AFF2: variants seen among roughly 807,000 people sequenced by gnomAD.
The protein encoded by AFF2 is AF4/FMR2 family member 2.
AFF2 carries 14 observed loss-of-function variants against 76.9 expected under a neutral mutation model. The ratio of observed to expected loss-of-function variants is 0.18; its 90% CI spans 0.12 to 0.28. The LOEUF is 0.28. Ranked by LOEUF, AFF2 falls within the 10% of genes least tolerant of loss-of-function variation. The pLI, the probability that AFF2 is intolerant of heterozygous loss-of-function variation, is 1.00. For synonymous variants in AFF2, 398 were observed against 366.7 expected, an observed-to-expected ratio of 1.09 and a Z score of -0.98; for missense variants, 868 against 1,001.1, an observed-to-expected ratio of 0.87 and a Z score of 1.79.
chrX:148,766,991 C>A (rs376125609), intron 3 of AFF2, among the ~76,000 whole-genome samples: 1 of 110,866 alleles, frequency 9.0e-6, no homozygotes, highest in East Asian at 2.8e-4. Flanking sequence ...GGTCTAAGGG[C>A]TGGGGTAAAG....
At chrX:148,871,961 T>C (rs2070981410) in intron 7 of AFF2, among the ~76,000 whole-genome samples, 1 of 111,318 alleles carries the variant, frequency 9.0e-6, no homozygotes, top group African/African-American at 3.3e-5. Context: ...GGCAGATATG[T>C]CTAGGAATGC....
At chrX:148,851,703 A>G (rs1557275372) in intron 7 of AFF2, among the ~76,000 whole-genome samples, 1 of 111,627 alleles carries the variant, frequency 9.0e-6, no homozygotes, top group Admixed American at 9.5e-5. Context: ...TTCCAGATGG[A>G]GATTTCAATT....
At chrX:148,743,257 G>C in intron 3 of AFF2, among the ~76,000 whole-genome samples, 1 of 112,040 alleles carries the variant, frequency 8.9e-6, no homozygotes, top group African/African-American at 3.2e-5. Flanking sequence ...TTTTCAATGA[G>C]TAACAATATT....
At chrX:148,530,213 C>T (rs2052714151) in intron 1 of AFF2, among the ~76,000 whole-genome samples, 1 of 111,576 alleles carries the variant, frequency 9.0e-6, no homozygotes, top group African/African-American at 3.3e-5. Context: ...TATATCGCTA[C>T]TGTTATCATT....
At chrX:148,661,664 T>G (rs781958878) in intron 2 of AFF2, among the ~76,000 whole-genome samples, 1 of 112,187 alleles carries the variant, frequency 8.9e-6, no homozygotes, top group East Asian at 2.8e-4. Flanking sequence ...TGAACATGTT[T>G]AAGGACTGGC....
chrX:148,728,989 G>A (rs781935472), intron 3 of AFF2, among the ~76,000 whole-genome samples: 2 of 112,160 alleles, frequency 1.8e-5, no homozygotes, highest in South Asian at 7.4e-4. Context: ...ACTTGGGTTT[G>A]TGTGTCACTC....
In AFF2 at chrX:148,928,895, A is replaced by G. The variant is rs141304862; in HGVS notation, c.1397+24637A>G. Among the ~76,000 whole-genome samples, 349 of 112,447 alleles carry G rather than the reference A, an allele frequency of 3.1e-3. 2 individuals are homozygous for G. The highest frequency in any genetic ancestry group is 0.011 in the African/African-American group (332 of 30,971). On this transcript the variant is annotated intron_variant, in intron 9 of 20. Transcript: ENST00000370460. ...ATAGATGAGGAAACTGAGGCTGAGA[A>G]AAGTTAATTACTAGTAGTTGAGAAT...
intron 15 of AFF2, among the ~76,000 whole-genome samples, chrX:148,969,624 A>C (rs1414574268): frequency 9.0e-6 from 1 of 111,575 alleles, no homozygotes; most frequent in Non-Finnish European, 1.9e-5. Flanking sequence ...TGATGACAAG[A>C]AAAAGTCTGT....
At chrX:148,539,620 C>T (rs1053091610) in intron 1 of AFF2, among the ~76,000 whole-genome samples, 16 of 111,196 alleles carry the variant, frequency 1.4e-4, no homozygotes, top group Middle Eastern at 4.6e-3. Flanking sequence ...GTCCTCTCCC[C>T]TCTTCCCTTT....
At chrX:148,592,920 T>C (rs965418249) in intron 1 of AFF2, among the ~76,000 whole-genome samples, 1 of 112,352 alleles carries the variant, frequency 8.9e-6, no homozygotes, top group African/African-American at 3.2e-5. Context: ...GCCCTGTGGC[T>C]TTTCTCTCTT....
At position 148,752,441 on chromosome X, in the gene AFF2, G is replaced by C. The variant is rs143328005; in HGVS notation, c.1042-57435G>C. On this transcript the variant is annotated intron_variant, in intron 3 of 20. Coordinates refer to ENST00000370460, the MANE Select transcript of AFF2 (RefSeq NM_002025.4). ...AGTGGGCAATTTAGTCAAACCACTG[G>C]GGAATCAAACAACTTGTTAATAATC... is the stretch of plus-strand genomic sequence containing the variant. Among the ~76,000 whole-genome samples, 615 of 111,563 alleles carry C rather than the reference G, an allele frequency of 5.5e-3. 3 individuals are homozygous for C. Among genetic ancestry groups the C allele is most frequent in the African/African-American group, 0.019 (596 of 30,697 alleles).
At chrX:148,637,961 A>T (rs2054048919) in intron 1 of AFF2, among the ~76,000 whole-genome samples, 1 of 109,745 alleles carries the variant, frequency 9.1e-6, no homozygotes, top group South Asian at 4.1e-4. Flanking sequence ...GCCACAGAAT[A>T]GTCCAGGAAC....
chrX:148,938,093 G>T lies in AFF2; in HGVS notation c.1398-15487G>T, dbSNP rs181800732. Among the ~76,000 whole-genome samples, 218 of 112,051 alleles carry T rather than the reference G, an allele frequency of 1.9e-3. 1 individual carries two copies. Among genetic ancestry groups the T allele is most frequent in the Admixed American group, 0.017 (179 of 10,577 alleles). On this transcript the variant is annotated intron_variant, in intron 9 of 20. Transcript: ENST00000370460. ...GTACAATAGTGTTTCAGTAATAAAT[G>T]CATTATGATTGTCACTTTTAATGGA...
intron 8 of AFF2, among the ~76,000 whole-genome samples, chrX:148,886,502 G>A (rs1159820964): frequency 1.8e-5 from 2 of 112,148 alleles, no homozygotes; most frequent in Non-Finnish European, 3.8e-5. Context: ...ACTTGTGGCT[G>A]CCCTTGTATC....
chrX:148,851,532 T>C (rs1229534303), intron 7 of AFF2, among the ~76,000 whole-genome samples: 1 of 111,433 alleles, frequency 9.0e-6, no homozygotes, highest in Non-Finnish European at 1.9e-5. Flanking sequence ...TACTGCCTTG[T>C]CCTTGCCAAA....
chrX:148,528,742 C>T (rs1477413865), intron 1 of AFF2, among the ~76,000 whole-genome samples: 2 of 111,590 alleles, frequency 1.8e-5, no homozygotes, highest in South Asian at 3.7e-4. Context: ...AGAAACAATC[C>T]GTTCTCAACT....
At chrX:148,635,566 T>C (rs2054022468) in intron 1 of AFF2, among the ~76,000 whole-genome samples, 1 of 111,972 alleles carries the variant, frequency 8.9e-6, no homozygotes, top group African/African-American at 3.2e-5. Flanking sequence ...TAGTAACTCA[T>C]TATGTATTTG....
intron 3 of AFF2, among the ~76,000 whole-genome samples, chrX:148,681,045 G>A (rs1294634096): frequency 1.8e-5 from 2 of 111,557 alleles, no homozygotes; most frequent in African/African-American, 6.5e-5. Context: ...TGAGACCTTT[G>A]CGGTAGTGAG....
chrX:148,787,369 G>C (rs1469822745), intron 3 of AFF2, among the ~76,000 whole-genome samples: 4 of 111,334 alleles, frequency 3.6e-5, no homozygotes, highest in Non-Finnish European at 7.5e-5. Flanking sequence ...GACAGTCCAA[G>C]TTGCCTTTTT....
Sources: gnomAD v4.1 joint callset for allele counts (sites outside exome capture counted in the v4.1 genomes callset) on GRCh38, gnomAD v4.1.1 for gene constraint, MANE v1.5 for transcripts, NCBI Gene and HGNC (gene_info 2026-07-23, HGNC 2026-07-21) for gene names.